AMELY: variants seen among roughly 807,000 people sequenced by gnomAD.
AMELY encodes amelogenin Y-linked.
Under a neutral mutation model 4.2 loss-of-function variants are expected in AMELY, and 4 were observed. That is an observed-to-expected ratio of 0.96 (90% confidence interval 0.47 to 2.19). The LOEUF (loss-of-function observed/expected upper bound fraction) is 2.19. AMELY is among the 30% of genes most tolerant of loss of function. The probability of loss-of-function intolerance (pLI) is 0.02; values close to 1 mark genes in which losing one functional copy is unlikely to be tolerated. For synonymous variants in AMELY, 11 were observed against 14.7 expected (o/e 0.75, Z 0.57); for missense variants, 32 against 41.5 (o/e 0.77, Z 0.63).
At chrY:6,875,446 C>T (rs779178203) in intron 1 of AMELY, among the ~76,000 whole-genome samples, 73 of 33,237 alleles carry the variant, frequency 2.2e-3, no homozygotes, top group African/African-American at 8.2e-3. Context: ...AAAGGTAAAT[C>T]TTTCAAGCTA....
At chrY:6,905,488 C>T (rs2011660272) in intron 1 of AMELY, among the ~76,000 whole-genome samples, 5 of 27,406 alleles carry the variant, frequency 1.8e-4, no homozygotes, top group Admixed American at 3.5e-4. Context: ...CTTTCTTTCT[C>T]TTTCTTTCTT....
At chrY:6,910,209 A>AG (rs2011680680) in intron 1 of AMELY, among the ~76,000 whole-genome samples, 7 of 32,452 alleles carry the variant, frequency 2.2e-4, no homozygotes, top group African/African-American at 8.4e-4. Flanking sequence ...TGTTTTGCAA[A>AG]GGGGGGAGCC....
In AMELY at chrY:6,866,044, C is replaced by T. The variant is rs1175708376; in HGVS notation, c.*29G>A. Reference sequence around the variant, plus strand: ...TCCCTGAAAGCAACTAAAGTGTTTACTTCAGTTCCTGTCTCATATTCTGGT... The same window carrying T: ...TCCCTGAAAGCAACTAAAGTGTTTATTTCAGTTCCTGTCTCATATTCTGGT... On this transcript the variant is annotated 3_prime_UTR_variant, in exon 7 of 7. Coordinates refer to ENST00000651267, the MANE Select transcript of AMELY (RefSeq NM_001143.2). 2 of 298,748 alleles carry T rather than the reference C, an allele frequency of 6.7e-6. No homozygotes were observed. The highest frequency in any genetic ancestry group is 9.3e-6 in the Non-Finnish European group (2 of 215,369). The allele number at this position is 298,748 out of a possible 400,897, so 74.5% of individuals were successfully genotyped here. A position where few individuals can be genotyped will look rare whatever the true frequency, so the allele number is the denominator to read the frequency against.
chrY:6,871,993 C>A (rs111883067), intron 3 of AMELY, among the ~76,000 whole-genome samples: 934 of 28,398 alleles, frequency 0.033, no homozygotes, highest in East Asian at 0.033. Context: ...ACAACAACAA[C>A]AAAAAAACCT....
At chrY:6,873,766 C>T in intron 2 of AMELY, among the ~76,000 whole-genome samples, 1 of 31,012 alleles carries the variant, frequency 3.2e-5, no homozygotes, top group African/African-American at 1.2e-4. Context: ...TTTAAATACA[C>T]ATATAGACAA....
Position 6,886,064 on chromosome Y carries a change from G to C in AMELY, c.-112-11993C>G, listed in dbSNP as rs369381656. Among the ~76,000 whole-genome samples the C allele has an allele frequency of 5.3e-3, 180 of 34,172 alleles. No homozygotes were observed. In the South Asian group the frequency reaches 0.078, roughly 15 times the overall value. The allele number at this position is 34,172 out of a possible 37,273, so 91.7% of individuals were successfully genotyped here. A position where few individuals can be genotyped will look rare whatever the true frequency, so the allele number is the denominator to read the frequency against. On this transcript the variant is annotated intron_variant, in intron 1 of 6. Transcript: ENST00000651267. ...TAAAAAGAAACAAAATGCATTCAGAGGGGAAAATTGATTAATAGTCTGCTT... is the reference window on the plus strand; with the variant it reads ...TAAAAAGAAACAAAATGCATTCAGACGGGAAAATTGATTAATAGTCTGCTT...
chrY:6,902,654 G>A (rs2054090092), intron 1 of AMELY, among the ~76,000 whole-genome samples: 1 of 31,105 alleles, frequency 3.2e-5, no homozygotes, highest in Non-Finnish European at 7.7e-5. Context: ...GGGTACAAGC[G>A]ATTCTCCTTC....
At chrY:6,901,593 G>A (rs946098072) in intron 1 of AMELY, among the ~76,000 whole-genome samples, 1 of 33,459 alleles carries the variant, frequency 3.0e-5, no homozygotes, top group Non-Finnish European at 7.3e-5. Context: ...AAGGACACAT[G>A]CCTGGGAGAT....
intron 1 of AMELY, among the ~76,000 whole-genome samples, chrY:6,875,575 C>G: frequency 6.1e-5 from 2 of 33,055 alleles, no homozygotes; most frequent in African/African-American, 1.2e-4. Context: ...TAAATGCCAG[C>G]TGTACCCAAG....
At chrY:6,883,876 G>A (rs2054076928) in intron 1 of AMELY, among the ~76,000 whole-genome samples, 2 of 31,898 alleles carry the variant, frequency 6.3e-5, no homozygotes, top group Admixed American at 6.0e-4. Flanking sequence ...ACTGTGTAGC[G>A]CTCCTGCTTG....
intron 1 of AMELY, among the ~76,000 whole-genome samples, chrY:6,896,976 G>A: frequency 3.0e-5 from 1 of 33,334 alleles, no homozygotes; most frequent in East Asian, 8.0e-4. Flanking sequence ...AAGCTTGTGG[G>A]GATTTGTTGG....
At chrY:6,886,431 G>T in intron 1 of AMELY, among the ~76,000 whole-genome samples, 1 of 33,763 alleles carries the variant, frequency 3.0e-5, no homozygotes. Flanking sequence ...TGAACACTTT[G>T]AGAAACTCTG....
intron 1 of AMELY, among the ~76,000 whole-genome samples, chrY:6,902,535 A>C (rs1603023270): frequency 6.3e-5 from 2 of 31,583 alleles, no homozygotes; most frequent in East Asian, 8.4e-4. Context: ...TTATATGAAG[A>C]GATTAATGGA....
intron 1 of AMELY, among the ~76,000 whole-genome samples, chrY:6,888,745 A>G: frequency 3.6e-4 from 10 of 27,896 alleles, no homozygotes; most frequent in African/African-American, 1.4e-3. Flanking sequence ...GTGTGCACCT[A>G]TAGTCCCAGC....
intron 1 of AMELY, among the ~76,000 whole-genome samples, chrY:6,885,224 A>C (rs764666816): frequency 0.088 from 2,967 of 33,536 alleles, no homozygotes; most frequent in Non-Finnish European, 0.03. Context: ...TCATGCCTGT[A>C]ATCCCAGCAC....
At chrY:6,867,060 C>T in intron 6 of AMELY, among the ~76,000 whole-genome samples, 4 of 33,565 alleles carry the variant, frequency 1.2e-4, no homozygotes, top group Non-Finnish European at 2.2e-4. Context: ...GAAGTTATCA[C>T]ATTTATACCT....
chrY:6,900,753 A>G, intron 1 of AMELY: 1 of 29,045 alleles, frequency 3.4e-5, no homozygotes, highest in Non-Finnish European at 8.2e-5. Flanking sequence ...AAGAATCAGC[A>G]TGATTCTTCA....
intron 5 of AMELY, 123 bp from the exon 6 acceptor site, chrY:6,868,585 T>C: frequency 3.0e-6 from 1 of 332,564 alleles, no homozygotes; most frequent in Non-Finnish European, 4.4e-6. Flanking sequence ...TTGCAAAAAT[T>C]TGTAACTGTG....
chrY:6,887,507 T>C, intron 1 of AMELY, among the ~76,000 whole-genome samples: 1 of 33,481 alleles, frequency 3.0e-5, no homozygotes, highest in Non-Finnish European at 7.4e-5. Context: ...TTTTTTGTTT[T>C]TGTTTTTGGG....
Sources: allele counts gnomAD v4.1 joint callset (sites outside exome capture counted in the v4.1 genomes callset), GRCh38; gene constraint gnomAD v4.1.1; transcripts MANE v1.5; gene names NCBI Gene and HGNC (gene_info 2026-07-23, HGNC 2026-07-21).